CACNA1B: variants seen among roughly 807,000 people sequenced by gnomAD.
CACNA1B encodes the protein voltage-dependent N-type calcium channel subunit alpha-1B.
In CACNA1B, 70 loss-of-function variants were observed where a neutral mutation model predicts 247.2. The ratio of observed to expected loss-of-function variants is 0.28; its 90% CI spans 0.23 to 0.35. The LOEUF is 0.35. Among genes scored for constraint, CACNA1B ranks in the 10% least tolerant of loss-of-function variants. CACNA1B has a pLI of 1.00. For missense variants in CACNA1B, 2,367 were observed against 3,197.4 expected, an observed-to-expected ratio of 0.74 and a Z score of 6.26; for synonymous variants, 1,231 against 1,294.4, an observed-to-expected ratio of 0.95 and a Z score of 1.05.
chr9:137,949,165 C>CACGTCTGGCATATGTGGTGTGTGTGT (rs1589026825), intron 6 of CACNA1B, among the ~76,000 whole-genome samples: 1 of 104,882 alleles, frequency 9.5e-6, no homozygotes, highest in African/African-American at 3.8e-5. Context: ...GTGGTGTGTG[C>CACGTCTGGCATATGTGGTGTGTGTGT]GCTTGTGTGT....
chr9:138,049,991 C>A (rs1959224042), intron 24 of CACNA1B: 1 of 976,116 alleles, frequency 1.0e-6, no homozygotes, highest in Admixed American at 2.3e-5. Context: ...GAGGGAGGGT[C>A]CACATCTCTC....
chr9:138,095,378 A>G (rs1236694795), intron 36 of CACNA1B, among the ~76,000 whole-genome samples: 1 of 152,232 alleles, frequency 6.6e-6, no homozygotes, highest in Non-Finnish European at 1.5e-5. Context: ...TTTGGTCATC[A>G]AGGAAATGCA....
chr9:138,101,235 C>G (rs1403284484), intron 37 of CACNA1B: 1 of 511,688 alleles, frequency 2.0e-6, no homozygotes, highest in African/African-American at 1.9e-5. Context: ...CAACATACTT[C>G]CCTGCCCGAA....
At chr9:138,066,986 A>G (rs778119457) in intron 31 of CACNA1B, among the ~76,000 whole-genome samples, 3 of 152,212 alleles carry the variant, frequency 2.0e-5, no homozygotes, top group Non-Finnish European at 4.4e-5. Context: ...GGCAAGATTA[A>G]TCAAAGAAAA....
intron 6 of CACNA1B, among the ~76,000 whole-genome samples, chr9:137,941,775 C>A (rs1957734771): frequency 6.6e-6 from 1 of 152,136 alleles, no homozygotes; most frequent in Non-Finnish European, 1.5e-5. Context: ...ATTGGCAAGC[C>A]ACATGTAGGA....
At chr9:138,032,555 G>T (rs1958999901) in intron 20 of CACNA1B, 1 of 364,902 alleles carries the variant, frequency 2.7e-6, no homozygotes. Context: ...ATTCTTTTGT[G>T]GTAGGTCTGC....
intron 20 of CACNA1B, among the ~76,000 whole-genome samples, chr9:138,032,477 G>A (rs11137345): frequency 6.6e-6 from 1 of 151,934 alleles, no homozygotes; most frequent in South Asian, 2.1e-4. Context: ...TTATTCTTTC[G>A]TCCTTCCTGA....
At position 137,954,031 on chromosome 9, in the gene CACNA1B, G is replaced by A. The variant is rs1957912836; in HGVS notation, c.1070+1654G>A. The stretch of plus-strand genomic sequence containing the variant: ...GTGCAGAATAGCCTGAGGGGCTGGA[G>A]GGGAGGCCCAAGGCAGGGCCTGCAC... On this transcript the variant is annotated intron_variant, in intron 7 of 46. Transcript: ENST00000371372. The surrounding 1 kb of genome is among the most constrained non-coding windows in gnomAD (Gnocchi z 4.1). Among the ~76,000 whole-genome samples, 1 of 152,186 alleles carries A rather than the reference G, an allele frequency of 6.6e-6. No individual in the cohort carries two copies. The highest frequency in any genetic ancestry group is 3.2e-3 in the Middle Eastern group (1 of 316).
At position 137,955,868 on chromosome 9, in the gene CACNA1B, C is replaced by G. The variant is rs1473486743; in HGVS notation, c.1186+55C>G. On this transcript the variant is annotated intron_variant, in intron 8 of 46. Coordinates refer to ENST00000371372, the MANE Select transcript of CACNA1B (RefSeq NM_000718.4). The surrounding 1 kb of genome is among the most constrained non-coding windows in gnomAD (Gnocchi z 6.9). The stretch of plus-strand genomic sequence containing the variant: ...TGGCCGGCCACTGTTAGTTCTCTGT[C>G]CCCAATTCTGCTCTGCTGCCAGCTG... The G allele has an allele frequency of 1.7e-6, 2 of 1,193,214 alleles. No individual in the cohort carries two copies. Among genetic ancestry groups the G allele is most frequent in the Non-Finnish European group, 2.4e-6 (2 of 819,542 alleles). The allele number at this position is 1,193,214 out of a possible 1,614,324, so 73.9% of individuals were successfully genotyped here. A position where few individuals can be genotyped will look rare whatever the true frequency, so the allele number is the denominator to read the frequency against.
intron 6 of CACNA1B, among the ~76,000 whole-genome samples, chr9:137,946,878 C>T (rs1427301013): frequency 2.0e-5 from 3 of 152,178 alleles, no homozygotes; most frequent in Non-Finnish European, 2.9e-5. Flanking sequence ...TGCCAAAATA[C>T]GTTACCGGGG....
chr9:137,892,296 G>A (rs981407376), intron 3 of CACNA1B: 3 of 456,634 alleles, frequency 6.6e-6, no homozygotes, highest in East Asian at 6.9e-5. Flanking sequence ...GGTTTCTGGC[G>A]AGGCCTCTCC....
At chr9:138,078,916 G>A (rs1960421454) in intron 36 of CACNA1B, among the ~76,000 whole-genome samples, 1 of 152,238 alleles carries the variant, frequency 6.6e-6, no homozygotes, top group Admixed American at 6.5e-5. Context: ...GGGCCACAGG[G>A]TGAGCAGTTC....
intron 15 of CACNA1B, among the ~76,000 whole-genome samples, chr9:137,993,354 G>GTCTA (rs147194592): frequency 9.3e-5 from 14 of 150,988 alleles, no homozygotes; most frequent in African/African-American, 2.0e-4. Flanking sequence ...TTAAATTTTT[G>GTCTA]TCTAGATAGA....
chr9:138,012,568 G>C lies in CACNA1B; in HGVS notation c.2161-561G>C, dbSNP rs1447860136. The stretch of plus-strand genomic sequence containing the variant: ...AGAAAAATTAAATTAAAAAAATTTA[G>C]CCAGTCGTGATGACACGTGCTTGGA... On this transcript the variant is annotated intron_variant, in intron 17 of 46. Coordinates refer to ENST00000371372, the MANE Select transcript of CACNA1B (RefSeq NM_000718.4). The surrounding 1 kb of genome is among the most constrained non-coding windows in gnomAD (Gnocchi z 4.2). Among the ~76,000 whole-genome samples the C allele has an allele frequency of 6.6e-6, 1 of 151,992 alleles. No homozygotes were observed.
chr9:138,098,068 G>A (rs777916583), intron 37 of CACNA1B, among the ~76,000 whole-genome samples: 5 of 152,242 alleles, frequency 3.3e-5, no homozygotes, highest in Non-Finnish European at 5.9e-5. Context: ...GCATCTCTGT[G>A]GGTGTTTTTC....
intron 15 of CACNA1B, among the ~76,000 whole-genome samples, chr9:138,003,778 C>CTTTTTT (rs11305081): frequency 1.2e-5 from 1 of 86,896 alleles, no homozygotes; most frequent in Non-Finnish European, 2.1e-5. Context: ...ACGGGCTTGC[C>CTTTTTT]TTTTTTTTTT....
intron 5 of CACNA1B, among the ~76,000 whole-genome samples, chr9:137,916,506 A>T (rs1417361235): frequency 6.6e-6 from 1 of 152,130 alleles, no homozygotes; most frequent in South Asian, 2.1e-4. Flanking sequence ...CAGTAGAAGG[A>T]TGTCCGCCCT....
intron 6 of CACNA1B, among the ~76,000 whole-genome samples, chr9:137,922,602 G>T (rs987933903): frequency 6.6e-6 from 1 of 152,178 alleles, no homozygotes; most frequent in African/African-American, 2.4e-5. Flanking sequence ...GGAAATCAGG[G>T]TGGCAACCGC....
chr9:137,904,036 A>C (rs773083729), intron 3 of CACNA1B, among the ~76,000 whole-genome samples: 1 of 152,052 alleles, frequency 6.6e-6, no homozygotes, highest in Non-Finnish European at 1.5e-5. Flanking sequence ...CGGTACCTGG[A>C]GGTTGCTTTT....
Sources: allele counts gnomAD v4.1 joint callset (sites outside exome capture counted in the v4.1 genomes callset), GRCh38; gene constraint gnomAD v4.1.1; non-coding constraint Gnocchi (gnomAD v3.1); transcripts MANE v1.5; gene names NCBI Gene and HGNC (gene_info 2026-07-23, HGNC 2026-07-21).